The following CLRN1 variants were observed in gnomAD, a reference collection of about 807,000 sequenced individuals.
CLRN1 encodes clarin-1.
CLRN1 carries 15 observed loss-of-function variants against 18.7 expected under a neutral mutation model. The observed-to-expected ratio is 0.80, with a 90% CI of 0.54 to 1.23. The LOEUF (loss-of-function observed/expected upper bound fraction) is 1.23, where lower values mean the gene tolerates loss of function less well. CLRN1 is among the 50% of genes most tolerant of loss of function. The pLI is 0.00. For synonymous variants in CLRN1, 104 were observed against 102.9 expected (o/e 1.01, Z -0.07); for missense variants, 311 against 277.5 (o/e 1.12, Z -0.86).
At chr3:150,940,612 A>G in intron 2 of CLRN1, 6 of 1,215,612 alleles carry the variant, frequency 4.9e-6, no homozygotes, top group Non-Finnish European at 6.8e-6. Context: ...CCATGAAACC[A>G]TCAATAAAAT....
chr3:150,953,554 G>A (rs930280182), intron 1 of CLRN1, among the ~76,000 whole-genome samples: 3 of 152,114 alleles, frequency 2.0e-5, no homozygotes, highest in Admixed American at 2.0e-4. Context: ...TCTTCGAGAT[G>A]GAGTCTAGCT....
At chr3:150,938,153 G>A (rs1713604209) in intron 2 of CLRN1, among the ~76,000 whole-genome samples, 1 of 152,174 alleles carries the variant, frequency 6.6e-6, no homozygotes, top group Non-Finnish European at 1.5e-5. Flanking sequence ...GGTCCAAGGA[G>A]GAAAGCATTT....
At chr3:150,948,062 G>A (rs1002836999) in intron 1 of CLRN1, among the ~76,000 whole-genome samples, 1 of 152,130 alleles carries the variant, frequency 6.6e-6, no homozygotes, top group Admixed American at 6.5e-5. Flanking sequence ...CTGAACTGAA[G>A]GATTGATACA....
intron 2 of CLRN1, among the ~76,000 whole-genome samples, chr3:150,934,627 TC>T (rs1713349777): frequency 6.6e-6 from 1 of 152,082 alleles, no homozygotes; most frequent in Admixed American, 6.6e-5. Context: ...GCTGGCCTAC[TC>T]CCTTTTACAT....
At chr3:150,959,628 C>CAAA (rs202231765) in intron 1 of CLRN1, among the ~76,000 whole-genome samples, 1 of 87,668 alleles carries the variant, frequency 1.1e-5, no homozygotes, top group Non-Finnish European at 2.6e-5. Context: ...GACTTTGTCT[C>CAAA]AAAAAAAAAA....
intron 1 of CLRN1, among the ~76,000 whole-genome samples, chr3:150,967,493 G>C (rs1008551153): frequency 3.3e-5 from 5 of 152,086 alleles, no homozygotes; most frequent in Non-Finnish European, 5.9e-5. Context: ...AGGCAGAAGA[G>C]CCCATGCTTG....
chr3:150,941,573 T>C lies in CLRN1; in HGVS notation c.433+9A>G, dbSNP rs1345962111. 6.2e-7 allele frequency: 1 copy of C among 1,613,756 alleles called. No homozygotes were observed. Among genetic ancestry groups the C allele is most frequent in the Non-Finnish European group, 8.5e-7 (1 of 1,179,784 alleles). On this transcript the variant is annotated intron_variant, in intron 2 of 2. Coordinates refer to ENST00000327047, the MANE Select transcript of CLRN1 (RefSeq NM_174878.3). ...ACATTTGTCTTCAGAGGTAGAATTT[T>C]GTACTTACCTGAAATGAAGCTCAAA...
chr3:150,960,429 A>G lies in CLRN1; in HGVS notation c.253+12027T>C, dbSNP rs150626084. Among the ~76,000 whole-genome samples the G allele has an allele frequency of 4.3e-4, 66 of 152,320 alleles. 1 individual carries two copies. The East Asian group carries it at 0.013, about 29-fold the overall frequency. On this transcript the variant is annotated intron_variant, in intron 1 of 2. Coordinates refer to ENST00000327047, the MANE Select transcript of CLRN1 (RefSeq NM_174878.3). ...GCATTGGGACCAAGGAATCCTCCAT[A>G]GTAGTCCTTGAAGTACGTGGAATTC...
intron 1 of CLRN1, among the ~76,000 whole-genome samples, chr3:150,970,688 TA>T (rs1457255246): frequency 3.3e-5 from 5 of 152,130 alleles, no homozygotes; most frequent in African/African-American, 9.7e-5. Flanking sequence ...TTCACTAGGC[TA>T]GGGGGAGAAT....
At chr3:150,972,847 C>A, upstream of CLRN1, 1 of 1,185,294 alleles carries the variant, frequency 8.4e-7, no homozygotes, top group Non-Finnish European at 1.2e-6. Flanking sequence ...TCACCATCGA[C>A]GGTTCTCGCC....
Position 150,972,628 on chromosome 3 carries a change from G to A in CLRN1, c.81C>T (p.Ala27=). 6.2e-7 allele frequency: 1 copy of A among 1,614,212 alleles called. No individual in the cohort carries two copies. The highest frequency in any genetic ancestry group is 1.1e-5 in the South Asian group (1 of 91,084). The change falls in exon 1 of 3, where the codon GCC becomes GCT. Residue 27 remains alanine (A), a synonymous_variant. Transcript: ENST00000327047. ...SFACALGVVT[A]LGTPLWIKAT... is the part of the protein sequence containing the mutation. ...CTTTGATCCACAACGGTGTCCCCAA[G>A]GCTGTCACAACTCCGAGGGCACATG... is the stretch of plus-strand genomic sequence containing the variant.
intron 1 of CLRN1, 102 bp from the exon 2 acceptor site, chr3:150,941,863 C>G: frequency 9.3e-7 from 1 of 1,075,670 alleles, no homozygotes; most frequent in Non-Finnish European, 1.4e-6. Context: ...TCAAACATCA[C>G]TAAAATCCTT....
chr3:150,936,662 T>G (rs1713506603), intron 2 of CLRN1, among the ~76,000 whole-genome samples: 1 of 152,232 alleles, frequency 6.6e-6, no homozygotes, highest in African/African-American at 2.4e-5. Flanking sequence ...CTATCAGATA[T>G]CTTTTTAAAA....
Position 150,940,547 on chromosome 3 carries a change from A to G in CLRN1, c.433+1035T>C, listed in dbSNP as rs750298217. 1.5e-4 allele frequency: 235 copies of G among 1,532,072 alleles called. No individual in the cohort carries two copies. In the South Asian group the frequency reaches 2.0e-3, roughly 13 times the overall value. The allele number at this position is 1,532,072 out of a possible 1,614,324, so 94.9% of individuals were successfully genotyped here. On this transcript the variant is annotated intron_variant, in intron 2 of 2. Transcript: ENST00000327047. ...TCAGGAGAAAAAGAAACAGTCGAAT[A>G]GAGATTTTCATTACATTGTTTGCTT...
At chr3:150,969,473 C>G (rs1715430851) in intron 1 of CLRN1, among the ~76,000 whole-genome samples, 1 of 150,664 alleles carries the variant, frequency 6.6e-6, no homozygotes, top group South Asian at 2.1e-4. Flanking sequence ...ACTACAGGCG[C>G]CCCCGCCACG....
intron 1 of CLRN1, among the ~76,000 whole-genome samples, chr3:150,952,560 A>G (rs1405291711): frequency 6.6e-6 from 1 of 152,212 alleles, no homozygotes; most frequent in Non-Finnish European, 1.5e-5. Flanking sequence ...TCACATCTAT[A>G]CTACAATAAC....
chr3:150,945,418 A>G, intron 1 of CLRN1: 1 of 942,964 alleles, frequency 1.1e-6, no homozygotes. Flanking sequence ...TGGCCACAAC[A>G]CTCTACTCCT....
chr3:150,949,970 A>T (rs1714397870), intron 1 of CLRN1, among the ~76,000 whole-genome samples: 1 of 152,184 alleles, frequency 6.6e-6, no homozygotes, highest in South Asian at 2.1e-4. Flanking sequence ...AGGCACATAG[A>T]CCAAATGAAC....
intron 2 of CLRN1, among the ~76,000 whole-genome samples, chr3:150,935,049 C>T (rs914123451): frequency 6.6e-6 from 1 of 151,986 alleles, no homozygotes; most frequent in East Asian, 1.9e-4. Context: ...TACTCAGTGT[C>T]GTTTGCTGGC....
Sources: gnomAD v4.1 joint callset for allele counts (sites outside exome capture counted in the v4.1 genomes callset) on GRCh38, gnomAD v4.1.1 for gene constraint, MANE v1.5 for transcripts, NCBI Gene and HGNC (gene_info 2026-07-23, HGNC 2026-07-21) for gene names.